Variants in GPHN observed in about 807,000 individuals in gnomAD.
The protein encoded by GPHN is gephyrin.
GPHN carries 17 observed loss-of-function variants against 95.5 expected under a neutral mutation model. The ratio of observed to expected loss-of-function variants is 0.18; its 90% confidence interval spans 0.12 to 0.27. GPHN has a LOEUF of 0.27. GPHN is among the 10% of genes least tolerant of loss of function. GPHN has a pLI of 1.00. For synonymous variants in GPHN, 320 were observed against 322.5 expected (o/e 0.99, Z 0.08); for missense variants, 660 against 978.1 (o/e 0.67, Z 4.34).
the GPHN span, among the ~76,000 whole-genome samples, chr14:67,193,130 C>G: frequency 7.0e-6 from 1 of 143,086 alleles, no homozygotes; most frequent in African/African-American, 2.5e-5. Flanking sequence ...CTATATATCT[C>G]TATATAGACA....
At chr14:67,446,557 C>T in the GPHN span, among the ~76,000 whole-genome samples, 1 of 152,242 alleles carries the variant, frequency 6.6e-6, no homozygotes, top group Non-Finnish European at 1.5e-5. Context: ...ACGCCAGCCA[C>T]TGCAGTCCTG....
intron 1 of GPHN, among the ~76,000 whole-genome samples, chr14:66,522,191 T>C (rs571919618): frequency 1.3e-5 from 2 of 152,286 alleles, no homozygotes; most frequent in Admixed American, 1.3e-4. Flanking sequence ...AGAGTGGTTC[T>C]CTAAAGACAT....
rs150960781 is a variant in GPHN at position 67,018,294 on chromosome 14, A to G, written c.964-5339A>G. 9.3e-4 allele frequency among the ~76,000 whole-genome samples: 141 copies of G among 152,278 alleles called. No homozygotes were observed. In the Middle Eastern group the frequency reaches 0.01, roughly 11 times the overall value. ...AAATGAATGAGTTTTATGGTAGATA[A>G]ATTATATCTCAACACTGCTAAAAGA... On this transcript the variant is annotated intron_variant, in intron 9 of 22. Coordinates refer to ENST00000478722, the MANE Select transcript of GPHN (RefSeq NM_020806.5).
chr14:66,807,037 G>A (rs1054253558), intron 3 of GPHN, among the ~76,000 whole-genome samples: 1 of 152,176 alleles, frequency 6.6e-6, no homozygotes, highest in African/African-American at 2.4e-5. Flanking sequence ...ATTAAAAAAA[G>A]AGAGACGTTT....
chr14:66,844,446 G>T (rs2153510914), intron 4 of GPHN, among the ~76,000 whole-genome samples: 1 of 152,196 alleles, frequency 6.6e-6, no homozygotes, highest in African/African-American at 2.4e-5. Context: ...ATGTAAAGTG[G>T]GGTGTGTATG....
At chr14:66,581,905 T>A (rs2061193534) in intron 1 of GPHN, among the ~76,000 whole-genome samples, 1 of 152,054 alleles carries the variant, frequency 6.6e-6, no homozygotes, top group South Asian at 2.1e-4. Flanking sequence ...TAAATGTTAA[T>A]AAATCTGAAG....
intron 2 of GPHN, among the ~76,000 whole-genome samples, chr14:66,730,337 G>A (rs1008971574): frequency 6.6e-6 from 1 of 152,094 alleles, no homozygotes; most frequent in East Asian, 1.9e-4. Context: ...TTTGTTTCCT[G>A]TCTCTCTGGA....
the GPHN span, among the ~76,000 whole-genome samples, chr14:67,518,436 CCAGA>C: frequency 6.6e-6 from 1 of 152,174 alleles, no homozygotes; most frequent in African/African-American, 2.4e-5. Flanking sequence ...TAGCATAGTG[CCAGA>C]CACATAGTAT....
chr14:67,361,498 G>C, the GPHN span, among the ~76,000 whole-genome samples: 1 of 152,200 alleles, frequency 6.6e-6, no homozygotes, highest in Non-Finnish European at 1.5e-5. Flanking sequence ...AGCATTCAGA[G>C]AGCATTCCTA....
chr14:66,805,048 G>A (rs1266062011), intron 3 of GPHN, among the ~76,000 whole-genome samples: 4 of 152,144 alleles, frequency 2.6e-5, no homozygotes, highest in Non-Finnish European at 5.9e-5. Context: ...TGCTGATAAA[G>A]ACATACCTCA....
At chr14:67,614,497 G>A in the GPHN span, among the ~76,000 whole-genome samples, 2 of 152,094 alleles carry the variant, frequency 1.3e-5, no homozygotes, top group Admixed American at 1.3e-4. Flanking sequence ...GGGTATGGTG[G>A]CTCATGCCTG....
intron 1 of GPHN, among the ~76,000 whole-genome samples, chr14:66,612,050 T>TA (rs938649912): frequency 1.3e-5 from 2 of 152,062 alleles, no homozygotes; most frequent in Non-Finnish European, 2.9e-5. Context: ...GCCTAATACT[T>TA]AAACTGTTCT....
the GPHN span, among the ~76,000 whole-genome samples, chr14:67,371,369 G>T: frequency 9.5e-3 from 1,447 of 151,898 alleles, 16 homozygotes; most frequent in African/African-American, 0.029. Flanking sequence ...GTAGTGAGCT[G>T]TGATCACACT....
At chr14:67,439,590 TTTC>T in the GPHN span, among the ~76,000 whole-genome samples, 21 of 120,666 alleles carry the variant, frequency 1.7e-4, no homozygotes, top group South Asian at 1.1e-3. Flanking sequence ...TCTTTCTTTC[TTTC>T]TTCTTTCTTT....
chr14:66,904,156 A>G (rs1567082708), intron 5 of GPHN, among the ~76,000 whole-genome samples: 1 of 152,062 alleles, frequency 6.6e-6, no homozygotes, highest in Non-Finnish European at 1.5e-5. Flanking sequence ...GGACCTTTGC[A>G]GTGAGTGTTA....
At chr14:67,001,641 A>G (rs975010247) in intron 9 of GPHN, among the ~76,000 whole-genome samples, 1 of 151,734 alleles carries the variant, frequency 6.6e-6, no homozygotes, top group African/African-American at 2.4e-5. Flanking sequence ...CTTTTGAATT[A>G]TCTCCTAATC....
chr14:67,562,172 C>A, the GPHN span: 1 of 1,610,702 alleles, frequency 6.2e-7, no homozygotes, highest in South Asian at 1.1e-5. Context: ...GCTGCTGGTG[C>A]CCCCCTACGG....
chr14:66,522,486 T>C (rs1364703445), intron 1 of GPHN, among the ~76,000 whole-genome samples: 1 of 152,194 alleles, frequency 6.6e-6, no homozygotes, highest in Non-Finnish European at 1.5e-5. Context: ...ATATTAAAGA[T>C]GTGAGTAATA....
Position 66,739,285 on chromosome 14 carries a change from C to T in GPHN, c.144-37179C>T, listed in dbSNP as rs574005582. On this transcript the variant is annotated intron_variant, in intron 2 of 22. Transcript: ENST00000478722. ...AGGCTGGAGTGCAGTGGCACAATCTCGGCGTACTGCAAGCTCTGCCTCCCA... is the reference window on the plus strand; with the variant it reads ...AGGCTGGAGTGCAGTGGCACAATCTTGGCGTACTGCAAGCTCTGCCTCCCA... 1.4e-4 allele frequency among the ~76,000 whole-genome samples: 20 copies of T among 147,718 alleles called. No individual in the cohort carries two copies. In the East Asian group the frequency reaches 1.6e-3, roughly 12 times the overall value.
Sources: gnomAD v4.1 joint callset for allele counts (sites outside exome capture counted in the v4.1 genomes callset) on GRCh38, gnomAD v4.1.1 for gene constraint, MANE v1.5 for transcripts, NCBI Gene and HGNC (gene_info 2026-07-23, HGNC 2026-07-21) for gene names.